USH2A: variants seen among roughly 807,000 people sequenced by gnomAD.
USH2A encodes the protein Usher syndrome 2A (autosomal recessive, mild).
In USH2A, 443 loss-of-function variants were observed where a neutral mutation model predicts 538.9. The ratio of observed to expected loss-of-function variants is 0.82; its 90% CI spans 0.76 to 0.89. The LOEUF (loss-of-function observed/expected upper bound fraction) is 0.89, where lower values mean the gene tolerates loss of function less well. Among genes scored for constraint, USH2A ranks in the 40% least tolerant of loss-of-function variants. The pLI is 0.00. For missense variants in USH2A, 6,633 were observed against 6,324.8 expected, an observed-to-expected ratio of 1.05 and a Z score of -1.65; for synonymous variants, 2,413 against 2,273.5, an observed-to-expected ratio of 1.06 and a Z score of -1.75.
At chr1:215,769,040 C>T (rs1661208683) in intron 55 of USH2A, among the ~76,000 whole-genome samples, 1 of 152,204 alleles carries the variant, frequency 6.6e-6, no homozygotes, top group Non-Finnish European at 1.5e-5. Context: ...GGTCCTTCCT[C>T]ATAATTCCAT....
At chr1:215,712,523 T>G in intron 61 of USH2A, among the ~76,000 whole-genome samples, 1 of 152,308 alleles carries the variant, frequency 6.6e-6, no homozygotes, top group East Asian at 1.9e-4. Flanking sequence ...CTAAGTGAGG[T>G]ACCACCAGAA....
At chr1:216,138,794 A>C (rs1488343809) in intron 21 of USH2A, among the ~76,000 whole-genome samples, 2 of 152,180 alleles carry the variant, frequency 1.3e-5, no homozygotes, top group Non-Finnish European at 1.5e-5. Context: ...TCAGGAAGAC[A>C]ACTCAAGTCT....
rs1277102787 is a variant in USH2A at position 216,289,242 on chromosome 1, A to T, written c.1971+38T>A. 3 of 1,613,418 alleles carry T rather than the reference A, an allele frequency of 1.9e-6. No individual in the cohort carries two copies. The East Asian group carries it at 6.7e-5, about 36-fold the overall frequency. On this transcript the variant is annotated intron_variant, in intron 11 of 71. Transcript: ENST00000307340. ...ACATCCAAATAAGTTTCTGGCAGAC[A>T]GAGTAATCCTTTACCTTAAATACTC... is the stretch of plus-strand genomic sequence containing the variant.
intron 3 of USH2A, among the ~76,000 whole-genome samples, chr1:216,391,241 T>C (rs1265211295): frequency 1.3e-5 from 2 of 152,230 alleles, no homozygotes; most frequent in East Asian, 3.8e-4. Context: ...TCCAGTCCAA[T>C]AGACAGTCTG....
intron 60 of USH2A, among the ~76,000 whole-genome samples, chr1:215,737,757 TC>T (rs1243479020): frequency 6.6e-6 from 1 of 152,032 alleles, no homozygotes; most frequent in African/African-American, 2.4e-5. Context: ...ACATCAAAAT[TC>T]CTTTGCCTTT....
At chr1:216,262,110 A>T (rs1014963602) in intron 11 of USH2A, among the ~76,000 whole-genome samples, 3 of 152,106 alleles carry the variant, frequency 2.0e-5, no homozygotes, top group Admixed American at 6.6e-5. Flanking sequence ...AAAAGAAGCA[A>T]TTACTTTACC....
chr1:215,689,396 G>A (rs1402975601), intron 61 of USH2A, among the ~76,000 whole-genome samples: 1 of 152,178 alleles, frequency 6.6e-6, no homozygotes, highest in East Asian at 1.9e-4. Context: ...TATTATGTCA[G>A]ATTGGTTAAG....
intron 21 of USH2A, among the ~76,000 whole-genome samples, chr1:216,126,782 GA>G (rs1275022438): frequency 1.3e-5 from 2 of 152,048 alleles, no homozygotes; most frequent in South Asian, 2.1e-4. Context: ...ATTTAAAGTT[GA>G]AGCCTTCATT....
intron 3 of USH2A, among the ~76,000 whole-genome samples, chr1:216,389,643 A>G (rs946296233): frequency 1.2e-4 from 19 of 152,180 alleles, no homozygotes; most frequent in African/African-American, 4.3e-4. Context: ...GGAGATTTAT[A>G]TGCTATAAAG....
intron 30 of USH2A, among the ~76,000 whole-genome samples, chr1:216,060,714 G>T (rs943915745): frequency 1.3e-5 from 2 of 152,166 alleles, no homozygotes; most frequent in Non-Finnish European, 2.9e-5. Context: ...TTGATGCCAG[G>T]TGCTGTAGTA....
intron 56 of USH2A, among the ~76,000 whole-genome samples, chr1:215,766,241 A>G (rs1661123644): frequency 6.6e-6 from 1 of 152,082 alleles, no homozygotes; most frequent in Non-Finnish European, 1.5e-5. Context: ...GGCCAACCTT[A>G]GCACTCTATT....
At chr1:215,844,262 TA>T (rs1171031985) in intron 46 of USH2A, 31 bp downstream of exon 46, 1 of 1,605,216 alleles carries the variant, frequency 6.2e-7, no homozygotes, top group Non-Finnish European at 8.5e-7. Context: ...AACATATCCA[TA>T]AGCCTAACCA....
chr1:215,835,031 T>C (rs1475202023), intron 47 of USH2A, among the ~76,000 whole-genome samples: 1 of 151,626 alleles, frequency 6.6e-6, no homozygotes, highest in Admixed American at 6.6e-5. Context: ...GCTGGTTTTG[T>C]TTTATGGTTA....
intron 38 of USH2A, among the ~76,000 whole-genome samples, chr1:215,919,956 T>G (rs1666054986): frequency 6.6e-6 from 1 of 152,006 alleles, no homozygotes; most frequent in South Asian, 2.1e-4. Context: ...CAAAGCCTAT[T>G]TTTGTCTCTC....
At chr1:216,206,113 T>C (rs892584614) in intron 16 of USH2A, among the ~76,000 whole-genome samples, 20 of 152,214 alleles carry the variant, frequency 1.3e-4, no homozygotes, top group African/African-American at 4.1e-4. Context: ...CCAGATTTAA[T>C]AGTTCTTTAA....
At chr1:215,890,772 C>T (rs1180326009) in intron 40 of USH2A, among the ~76,000 whole-genome samples, 6 of 151,908 alleles carry the variant, frequency 3.9e-5, no homozygotes, top group Non-Finnish European at 8.8e-5. Flanking sequence ...TGGCTATTTC[C>T]CAGAGAAAAG....
chr1:215,989,936 G>A lies in USH2A; in HGVS notation c.6805+3084C>T, dbSNP rs1449733408. ...GGCAGTGGAAGATTCTGATTATTTAGGAGGTCTGTGGTGGAGCCTAGAATC... is the reference window on the plus strand; with the variant it reads ...GGCAGTGGAAGATTCTGATTATTTAAGAGGTCTGTGGTGGAGCCTAGAATC... On this transcript the variant is annotated intron_variant, in intron 35 of 71. Coordinates refer to ENST00000307340, the MANE Select transcript of USH2A (RefSeq NM_206933.4). Among the ~76,000 whole-genome samples, 4 of 152,156 alleles carry A rather than the reference G, an allele frequency of 2.6e-5. No individual in the cohort carries two copies. In the East Asian group the frequency reaches 7.7e-4, roughly 29 times the overall value.
intron 61 of USH2A, among the ~76,000 whole-genome samples, chr1:215,698,456 C>T (rs1320580457): frequency 1.3e-5 from 2 of 152,196 alleles, no homozygotes; most frequent in African/African-American, 4.8e-5. Flanking sequence ...TAAAAGTGTT[C>T]CAATTTCTTC....
At chr1:215,838,209 C>G in intron 46 of USH2A, 106 bp from the exon 47 acceptor site, 1 of 886,266 alleles carries the variant, frequency 1.1e-6, no homozygotes, top group Non-Finnish European at 1.9e-6. Context: ...TCTTGTATTT[C>G]TCTATAGCCT....
Sources: gnomAD v4.1 joint callset for allele counts (sites outside exome capture counted in the v4.1 genomes callset) on GRCh38, gnomAD v4.1.1 for gene constraint, MANE v1.5 for transcripts, NCBI Gene and HGNC (gene_info 2026-07-23, HGNC 2026-07-21) for gene names.